Variants in AKAP7 observed in about 807,000 individuals in gnomAD.
AKAP7 encodes the protein A kinase (PRKA) anchor protein 7.
AKAP7 carries 39 observed loss-of-function variants against 39.5 expected under a neutral mutation model. That is an observed-to-expected ratio of 0.99 (90% CI 0.76 to 1.29). The LOEUF (loss-of-function observed/expected upper bound fraction) is 1.29, where lower values mean the gene tolerates loss of function less well. AKAP7 is among the 50% of genes most tolerant of loss of function. The pLI is 0.00. For missense variants in AKAP7, 414 were observed against 407.7 expected (o/e 1.02, Z -0.13); for synonymous variants, 140 against 139.1 (o/e 1.01, Z -0.05).
rs117033063 is a variant in AKAP7 at position 131,210,590 on chromosome 6, C to A, written c.703-9071C>A. On this transcript the variant is annotated intron_variant, in intron 6 of 7. Coordinates refer to ENST00000431975, the MANE Select transcript of AKAP7 (RefSeq NM_016377.4). ...TTTATACTGTCCCTAAGCTGAAGAC[C>A]AGAGTATGAAACTACCTCTCTTCCT... 7.2e-5 allele frequency among the ~76,000 whole-genome samples: 11 copies of A among 152,322 alleles called. No homozygotes were observed. The East Asian group carries it at 1.2e-3, about 16-fold the overall frequency.
rs920720789 is a variant in AKAP7 at position 131,165,064 on chromosome 6, T to G, written c.292-17T>G. ...TAATCACTGGAATTTTTTTTATATG[T>G]GTGTATGTGTTATTAGATTATAAAA... On this transcript the variant is annotated splice_polypyrimidine_tract_variant and intron_variant, in intron 3 of 7. Transcript: ENST00000431975. The G allele has an allele frequency of 1.3e-6, 2 of 1,545,840 alleles. No homozygotes were observed.
intron 7 of AKAP7, among the ~76,000 whole-genome samples, chr6:131,239,258 A>G (rs906586291): frequency 2.0e-5 from 3 of 152,170 alleles, no homozygotes; most frequent in African/African-American, 7.2e-5. Flanking sequence ...TGGCTTGTAG[A>G]GTGTCTGCCA....
chr6:131,253,191 C>A (rs901526551), intron 7 of AKAP7: 20 of 1,263,496 alleles, frequency 1.6e-5, no homozygotes, highest in South Asian at 8.0e-5. Flanking sequence ...AGAAATAATT[C>A]TAATTTAATT....
intron 7 of AKAP7, among the ~76,000 whole-genome samples, chr6:131,257,422 C>A (rs1812956404): frequency 1.3e-5 from 2 of 149,698 alleles, no homozygotes; most frequent in Admixed American, 6.7e-5. Flanking sequence ...TTTATTTCTA[C>A]CTTATGCAGT....
intron 6 of AKAP7, among the ~76,000 whole-genome samples, chr6:131,206,469 A>ATGATGT (rs753924863): frequency 2.0e-5 from 3 of 152,152 alleles, no homozygotes; most frequent in Non-Finnish European, 4.4e-5. Flanking sequence ...GATGATGATG[A>ATGATGT]TGATGTTGAG....
chr6:131,161,608 G>A (rs899749482), intron 3 of AKAP7, among the ~76,000 whole-genome samples: 20 of 113,754 alleles, frequency 1.8e-4, no homozygotes, highest in African/African-American at 6.8e-4. Context: ...TTGTGCCACT[G>A]CACTCCAGCC....
At chr6:131,174,423 T>C (rs989233634) in intron 5 of AKAP7, among the ~76,000 whole-genome samples, 4 of 152,374 alleles carry the variant, frequency 2.6e-5, no homozygotes, top group Non-Finnish European at 5.9e-5. Flanking sequence ...CTTCTTTAGA[T>C]ATATTTTTAA....
At chr6:131,184,351 T>A in intron 5 of AKAP7, 1 of 648,650 alleles carries the variant, frequency 1.5e-6, no homozygotes, top group South Asian at 1.4e-5. Flanking sequence ...TTCTGGTAGA[T>A]GGAAGCTTTC....
chr6:131,184,029 C>G (rs1046180122), intron 5 of AKAP7, among the ~76,000 whole-genome samples: 1 of 152,164 alleles, frequency 6.6e-6, no homozygotes, highest in African/African-American at 2.4e-5. Flanking sequence ...CCTGTGATGA[C>G]CAGGGCCTGG....
chr6:131,218,995 G>A (rs1278025894), intron 6 of AKAP7, among the ~76,000 whole-genome samples: 1 of 151,884 alleles, frequency 6.6e-6, no homozygotes, highest in Non-Finnish European at 1.5e-5. Flanking sequence ...TTCGCTGGGC[G>A]CAGTGGCCCA....
At position 131,277,277 on chromosome 6, in the gene AKAP7, A is replaced by G. The variant is rs1814823981; in HGVS notation, c.851-4253A>G. On this transcript the variant is annotated intron_variant, in intron 7 of 7. Transcript: ENST00000431975. ...TATATTTTTACTATTCTCCTAAGAA[A>G]TTGATCAAGAATATTCTGGGGGATT... is the stretch of plus-strand genomic sequence containing the variant. 2.6e-5 allele frequency among the ~76,000 whole-genome samples: 4 copies of G among 152,358 alleles called. No homozygotes were observed. In the South Asian group the frequency reaches 6.2e-4, roughly 24 times the overall value.
chr6:131,222,525 CA>C (rs575491715), intron 7 of AKAP7, among the ~76,000 whole-genome samples: 4 of 148,556 alleles, frequency 2.7e-5, no homozygotes, highest in Admixed American at 2.0e-4. Context: ...ACACTCATCT[CA>C]AAAAAAAAGA....
intron 6 of AKAP7, among the ~76,000 whole-genome samples, chr6:131,209,074 C>T (rs1430738849): frequency 2.0e-5 from 3 of 152,146 alleles, no homozygotes; most frequent in Admixed American, 6.5e-5. Context: ...GTTTCCCAAC[C>T]AGACCAGCAA....
At chr6:131,145,971 C>T (rs56387353) in intron 2 of AKAP7, among the ~76,000 whole-genome samples, 1 of 152,068 alleles carries the variant, frequency 6.6e-6, no homozygotes, top group African/African-American at 2.4e-5. Flanking sequence ...ACGTGTGTCA[C>T]AAAATGTTGA....
At chr6:131,168,019 A>G (rs996917100) in intron 4 of AKAP7, among the ~76,000 whole-genome samples, 28 of 152,200 alleles carry the variant, frequency 1.8e-4, no homozygotes, top group Admixed American at 5.2e-4. Flanking sequence ...CAAAGTACCT[A>G]CACCAAAATT....
At chr6:131,190,018 A>G (rs552697866) in intron 5 of AKAP7, among the ~76,000 whole-genome samples, 50 of 152,300 alleles carry the variant, frequency 3.3e-4, no homozygotes, top group African/African-American at 1.1e-3. Flanking sequence ...GAAAAATGAC[A>G]TGTAGGTTTC....
chr6:131,212,452 T>A (rs1808757157), intron 6 of AKAP7, among the ~76,000 whole-genome samples: 1 of 152,238 alleles, frequency 6.6e-6, no homozygotes, highest in Non-Finnish European at 1.5e-5. Flanking sequence ...CAGACTCCCT[T>A]ATATCTGTTA....
chr6:131,153,120 A>G (rs2128232745), intron 2 of AKAP7, among the ~76,000 whole-genome samples: 1 of 136,358 alleles, frequency 7.3e-6, no homozygotes, highest in South Asian at 2.2e-4. Flanking sequence ...ACAGAGCAAG[A>G]CTCCATCTCA....
chr6:131,204,284 A>G (rs1212808125), intron 6 of AKAP7, among the ~76,000 whole-genome samples: 1 of 152,208 alleles, frequency 6.6e-6, no homozygotes, highest in East Asian at 1.9e-4. Flanking sequence ...TCCCACAACA[A>G]TAGGGAAATG....
Sources: gnomAD v4.1 joint callset for allele counts (sites outside exome capture counted in the v4.1 genomes callset) on GRCh38, gnomAD v4.1.1 for gene constraint, MANE v1.5 for transcripts, NCBI Gene and HGNC (gene_info 2026-07-23, HGNC 2026-07-21) for gene names.